The following ARHGAP31 variants were observed in gnomAD, a reference collection of about 807,000 sequenced individuals.
ARHGAP31 encodes rho GTPase-activating protein 31.
A neutral mutation model predicts 113.9 loss-of-function variants in ARHGAP31; 34 were observed. The observed-to-expected ratio is 0.30, with a 90% CI of 0.23 to 0.40. The LOEUF (loss-of-function observed/expected upper bound fraction) is 0.40, where lower values mean the gene tolerates loss of function less well. Among genes scored for constraint, ARHGAP31 ranks in the 10% least tolerant of loss-of-function variants. ARHGAP31 has a pLI of 1.00. For missense variants in ARHGAP31, 1,548 were observed against 1,767.1 expected, an observed-to-expected ratio of 0.88 and a Z score of 2.22; for synonymous variants, 650 against 684.8, an observed-to-expected ratio of 0.95 and a Z score of 0.79.
intron 1 of ARHGAP31, among the ~76,000 whole-genome samples, chr3:119,327,135 G>T (rs1402624378): frequency 6.6e-6 from 1 of 152,024 alleles, no homozygotes; most frequent in Non-Finnish European, 1.5e-5. Flanking sequence ...GCCAGACCTT[G>T]TCTCAAAAAC....
At chr3:119,377,700 CTG>C (rs1166435794) in intron 3 of ARHGAP31, among the ~76,000 whole-genome samples, 1 of 150,772 alleles carries the variant, frequency 6.6e-6, no homozygotes, top group East Asian at 1.9e-4. Flanking sequence ...CCTCTGGAGT[CTG>C]TAGTTGGAAG....
chr3:119,343,030 T>C (rs2080023088), intron 1 of ARHGAP31, among the ~76,000 whole-genome samples: 1 of 152,198 alleles, frequency 6.6e-6, no homozygotes, highest in African/African-American at 2.4e-5. Flanking sequence ...TCACAAATTA[T>C]AATTTGATGA....
chr3:119,380,534 C>T lies in ARHGAP31; in HGVS notation c.349-370C>T, dbSNP rs572692883. Among the ~76,000 whole-genome samples the T allele has an allele frequency of 8.2e-4, 125 of 152,094 alleles. 1 individual carries two copies. Among genetic ancestry groups the T allele is most frequent in the African/African-American group, 2.8e-3 (115 of 41,486 alleles). On this transcript the variant is annotated intron_variant, in intron 3 of 11. Transcript: ENST00000264245. ...CTGAGTAGCTGGGATAACAGGCATG[C>T]GCCACCATGCTGGGCCTATCTCTAT... is the stretch of plus-strand genomic sequence containing the variant.
intron 1 of ARHGAP31, among the ~76,000 whole-genome samples, chr3:119,351,397 G>A (rs1164467034): frequency 6.6e-6 from 1 of 152,150 alleles, no homozygotes; most frequent in Non-Finnish European, 1.5e-5. Flanking sequence ...CTTATAAAAT[G>A]TACTGGAAAG....
At chr3:119,333,966 G>A (rs1332306778) in intron 1 of ARHGAP31, among the ~76,000 whole-genome samples, 1 of 152,184 alleles carries the variant, frequency 6.6e-6, no homozygotes, top group Non-Finnish European at 1.5e-5. Context: ...ATCACCAACA[G>A]TCTCAGAGTC....
intron 3 of ARHGAP31, among the ~76,000 whole-genome samples, chr3:119,370,068 A>G (rs553636313): frequency 1.3e-5 from 2 of 152,316 alleles, no homozygotes; most frequent in South Asian, 4.1e-4. Flanking sequence ...GTCATTGGTT[A>G]TGGGGCCCTT....
chr3:119,419,955 C>T lies in ARHGAP31; in HGVS notation c.*3691C>T, dbSNP rs1284573308. The T allele has an allele frequency of 1.3e-5, 2 of 152,140 alleles. No homozygotes were observed. Among genetic ancestry groups the T allele is most frequent in the African/African-American group, 2.4e-5 (1 of 41,414 alleles). The allele number at this position is 152,140 out of a possible 1,614,324, so 9.4% of individuals were successfully genotyped here. A position where few individuals can be genotyped will look rare whatever the true frequency, so the allele number is the denominator to read the frequency against. On this transcript the variant is annotated 3_prime_UTR_variant, in exon 12 of 12. Coordinates refer to ENST00000264245, the MANE Select transcript of ARHGAP31 (RefSeq NM_020754.4). ...GTGCTTGAAAAGGGGATTTTAGAGA[C>T]TTCTGTCATCACAAAGCAGATTAAC... is the stretch of plus-strand genomic sequence containing the variant.
chr3:119,410,180 C>T (rs1445592227), intron 11 of ARHGAP31, among the ~76,000 whole-genome samples: 1 of 152,190 alleles, frequency 6.6e-6, no homozygotes, highest in African/African-American at 2.4e-5. Flanking sequence ...CCTGGATGGG[C>T]AGTTGTCTAC....
At chr3:119,391,464 A>G (rs1266377900) in intron 7 of ARHGAP31, among the ~76,000 whole-genome samples, 1 of 152,178 alleles carries the variant, frequency 6.6e-6, no homozygotes, top group Non-Finnish European at 1.5e-5. Context: ...CAAACCTGGC[A>G]TCCTTGTCAG....
rs142988206 is a variant in ARHGAP31, at chr3:119,373,292, C to T, written c.348+4776C>T. On this transcript the variant is annotated intron_variant, in intron 3 of 11. Coordinates refer to ENST00000264245, the MANE Select transcript of ARHGAP31 (RefSeq NM_020754.4). ...TATAATACCTCAATAAACAAGTAAG[C>T]GAAGGACCTTGATAGATAATTCCTA... is the stretch of plus-strand genomic sequence containing the variant. Among the ~76,000 whole-genome samples, 18 of 151,660 alleles carry T rather than the reference C, an allele frequency of 1.2e-4. No individual in the cohort carries two copies. In the East Asian group the frequency reaches 2.1e-3, roughly 18 times the overall value.
At chr3:119,344,004 G>C (rs2080032622) in intron 1 of ARHGAP31, among the ~76,000 whole-genome samples, 1 of 152,156 alleles carries the variant, frequency 6.6e-6, no homozygotes, top group Admixed American at 6.5e-5. Flanking sequence ...TGTGGTTGTG[G>C]CTGTGTGAGT....
chr3:119,342,054 T>G (rs1036278124), intron 1 of ARHGAP31: 2 of 152,222 alleles, frequency 1.3e-5, no homozygotes, highest in Non-Finnish European at 2.9e-5. Context: ...CCACCACTTT[T>G]TTATTAAGAT....
At chr3:119,358,937 C>T (rs1025937857) in intron 1 of ARHGAP31, among the ~76,000 whole-genome samples, 2 of 152,028 alleles carry the variant, frequency 1.3e-5, no homozygotes, top group African/African-American at 4.8e-5. Context: ...CTTGTGAATA[C>T]ACTAAAAATC....
At chr3:119,394,103 A>G (rs2080527399) in intron 8 of ARHGAP31, among the ~76,000 whole-genome samples, 1 of 152,198 alleles carries the variant, frequency 6.6e-6, no homozygotes, top group African/African-American at 2.4e-5. Flanking sequence ...CTCATGGTTA[A>G]ACTGAGGTTA....
rs1448567906 is a variant in ARHGAP31 at position 119,294,964 on chromosome 3, CTG to C, written c.63_64del (p.Cys21Ter). ...KRKGAASAFG[C>X]DLTEYLESSG... ...GAAAGGGAGCCGCCAGCGCGTTTGGCTGTGACCTGACGGAGTATCTGGAAAGC... is the reference window on the plus strand; with the variant it reads ...GAAAGGGAGCCGCCAGCGCGTTTGGCTGACCTGACGGAGTATCTGGAAAGC... On this transcript the variant is annotated frameshift_variant, in exon 1 of 12. Transcript: ENST00000264245. LOFTEE classifies it high-confidence loss of function. 1 of 1,614,078 alleles carries C rather than the reference CTG, an allele frequency of 6.2e-7. No individual in the cohort carries two copies. The highest frequency in any genetic ancestry group is 8.5e-7 in the Non-Finnish European group (1 of 1,180,014).
rs1183128042 is a variant in ARHGAP31 at position 119,294,795 on chromosome 3, G to A, written c.-110G>A. ...CCAAGTTCTTCCATCTTCCGATGCG[G>A]CCCCCCAGAGCCGCGGGGCAGCCGG... On this transcript the variant is annotated 5_prime_UTR_variant, in exon 1 of 12. Transcript: ENST00000264245. 1.9e-6 allele frequency: 2 copies of A among 1,032,432 alleles called. No individual in the cohort carries two copies. The highest frequency in any genetic ancestry group is 3.0e-6 in the Non-Finnish European group (2 of 662,278). 64.0% of individuals were successfully genotyped at this position (1,032,432 alleles called of 1,614,324 possible). A position where few individuals can be genotyped will look rare whatever the true frequency, so the allele number is the denominator to read the frequency against.
chr3:119,325,758 G>A (rs937302606), intron 1 of ARHGAP31, among the ~76,000 whole-genome samples: 2 of 152,194 alleles, frequency 1.3e-5, no homozygotes, highest in Non-Finnish European at 2.9e-5. Context: ...AAGGAGAGAG[G>A]AGCTACCAGT....
chr3:119,408,620 T>C (rs1005442899), intron 10 of ARHGAP31, among the ~76,000 whole-genome samples: 1 of 152,226 alleles, frequency 6.6e-6, no homozygotes, highest in African/African-American at 2.4e-5. Flanking sequence ...ACAAGATTCA[T>C]TGAGAAATTA....
chr3:119,313,830 G>C (rs1559963396), intron 1 of ARHGAP31, among the ~76,000 whole-genome samples: 1 of 152,228 alleles, frequency 6.6e-6, no homozygotes, highest in Non-Finnish European at 1.5e-5. Flanking sequence ...CTGAAGTTGA[G>C]TATCTATATT....
Sources: allele counts gnomAD v4.1 joint callset (sites outside exome capture counted in the v4.1 genomes callset), GRCh38; gene constraint gnomAD v4.1.1; transcripts MANE v1.5; gene names NCBI Gene and HGNC (gene_info 2026-07-23, HGNC 2026-07-21).